Variants in KMT2A observed in about 807,000 individuals in gnomAD.
KMT2A encodes lysine methyltransferase 2A.
KMT2A carries 16 observed loss-of-function variants against 345.3 expected under a neutral mutation model. That is an observed-to-expected ratio of 0.05 (90% CI 0.03 to 0.07). KMT2A has a LOEUF of 0.07. KMT2A is among the 10% of genes least tolerant of loss of function. KMT2A has a pLI of 1.00. For missense variants in KMT2A, 3,272 were observed against 4,841.6 expected, an observed-to-expected ratio of 0.68 and a Z score of 9.62; for synonymous variants, 1,599 against 1,778.6, an observed-to-expected ratio of 0.90 and a Z score of 2.54.
chr11:118,448,499 A>T (rs1949467516), intron 1 of KMT2A: 1 of 152,210 alleles, frequency 6.6e-6, no homozygotes, highest in Non-Finnish European at 1.5e-5. Context: ...CTGTACAGTC[A>T]GAATGAAAAC....
chr11:118,494,245 C>T lies in KMT2A; in HGVS notation c.5179-43C>T. On this transcript the variant is annotated intron_variant, in intron 16 of 35. Transcript: ENST00000534358. The surrounding 1 kb of genome is among the most constrained non-coding windows in gnomAD (Gnocchi z 5.8). ...AGGGAAGAGGAAATGGTTTTCAGAG[C>T]ACACTGTTTTAAGAATAATTAACAT... The T allele has an allele frequency of 9.8e-7, 1 of 1,022,026 alleles. No homozygotes were observed. Among genetic ancestry groups the T allele is most frequent in the Non-Finnish European group, 1.5e-6 (1 of 645,932 alleles). 63.3% of individuals were successfully genotyped at this position (1,022,026 alleles called of 1,614,324 possible).
chr11:118,454,304 G>A (rs1320392006), intron 1 of KMT2A, among the ~76,000 whole-genome samples: 2 of 152,174 alleles, frequency 1.3e-5, no homozygotes, highest in Non-Finnish European at 2.9e-5. Flanking sequence ...CCTACTTCTC[G>A]AGCATTGTCT....
In KMT2A at chr11:118,520,132, C is replaced by T. The variant is rs940023746; in HGVS notation, c.11429+68C>T. On this transcript the variant is annotated intron_variant, in intron 33 of 35. Transcript: ENST00000534358. The surrounding 1 kb of genome is among the most constrained non-coding windows in gnomAD (Gnocchi z 4.3). ...TCTCCTCCAGCTGGTCAGGGCACTA[C>T]GTAGGAATTTGTTTGCATCAGAATT... 9.8e-6 allele frequency: 10 copies of T among 1,022,136 alleles called. No homozygotes were observed. Among genetic ancestry groups the T allele is most frequent in the Admixed American group, 4.7e-5 (2 of 42,580 alleles). The allele number at this position is 1,022,136 out of a possible 1,614,324, so 63.3% of individuals were successfully genotyped here.
Position 118,510,149 on chromosome 11 carries a change from G to A in KMT2A, c.11071+31G>A. ...TGGATTAAATCAGGTTGACCCATCA[G>A]CAGAAGCCCTGTTTCAGCTAGAGCT... On this transcript the variant is annotated intron_variant, in intron 30 of 35. Coordinates refer to ENST00000534358, the MANE Select transcript of KMT2A (RefSeq NM_001197104.2). The surrounding 1 kb of genome is among the most constrained non-coding windows in gnomAD (Gnocchi z 4.1). The A allele has an allele frequency of 2.6e-6, 4 of 1,547,034 alleles. No individual in the cohort carries two copies. The highest frequency in any genetic ancestry group is 3.5e-6 in the Non-Finnish European group (4 of 1,137,868).
Position 118,490,009 on chromosome 11 carries a change from C to A in KMT2A, c.4576-120C>A. ...GTATGACAATCTTTTTGCCTCATTA[C>A]TAGGAAATCATCTCAGCAGAGAAAT... On this transcript the variant is annotated intron_variant, in intron 12 of 35. Coordinates refer to ENST00000534358, the MANE Select transcript of KMT2A (RefSeq NM_001197104.2). This position sits in a 1 kb window ranked among gnomAD's most constrained non-coding sequence, Gnocchi z 4.2. 1 of 1,428,708 alleles carries A rather than the reference C, an allele frequency of 7.0e-7. No homozygotes were observed. The highest frequency in any genetic ancestry group is 1.2e-5 in the South Asian group (1 of 81,488). The allele number at this position is 1,428,708 out of a possible 1,614,324, so 88.5% of individuals were successfully genotyped here. A position where few individuals can be genotyped will look rare whatever the true frequency, so the allele number is the denominator to read the frequency against.
At chr11:118,441,308 T>C (rs1555140065) in intron 1 of KMT2A, among the ~76,000 whole-genome samples, 1 of 152,166 alleles carries the variant, frequency 6.6e-6, no homozygotes, top group African/African-American at 2.4e-5. Context: ...CATTTGCCTA[T>C]ATAACTGGCA....
chr11:118,507,772 T>C (rs1421589626), intron 28 of KMT2A, 163 bp downstream of exon 28: 6 of 581,722 alleles, frequency 1.0e-5, no homozygotes, highest in African/African-American at 1.9e-5. Flanking sequence ...CCATCCTGGC[T>C]AACATGGTGA....
intron 29 of KMT2A, 131 bp from the exon 30 acceptor site, chr11:118,509,815 CTA>C (rs1409083456): frequency 3.1e-6 from 2 of 652,046 alleles, no homozygotes; most frequent in African/African-American, 1.9e-5. Flanking sequence ...GGTTTGTTAT[CTA>C]TAAATGGGAA....
intron 1 of KMT2A, among the ~76,000 whole-genome samples, chr11:118,462,013 G>A (rs1422597932): frequency 2.0e-5 from 3 of 152,038 alleles, no homozygotes; most frequent in South Asian, 2.1e-4. Context: ...GTGCAGTGGC[G>A]TGAGCTTTTG....
chr11:118,454,418 G>A (rs1555030026), intron 1 of KMT2A, among the ~76,000 whole-genome samples: 1 of 152,120 alleles, frequency 6.6e-6, no homozygotes, highest in Admixed American at 6.5e-5. Context: ...TTGCTCTCAG[G>A]CTAGAACACT....
chr11:118,468,250 A>C (rs1949882528), intron 1 of KMT2A, among the ~76,000 whole-genome samples: 1 of 152,222 alleles, frequency 6.6e-6, no homozygotes, highest in South Asian at 2.1e-4. Context: ...TCAAATGTAC[A>C]GAAATCACAT....
At position 118,523,816 on chromosome 11, in the gene KMT2A, G is replaced by A. The variant is rs1330749715; in HGVS notation, c.*1644G>A. On this transcript the variant is annotated 3_prime_UTR_variant, in exon 36 of 36. Coordinates refer to ENST00000534358, the MANE Select transcript of KMT2A (RefSeq NM_001197104.2). ...TTAATGTGTAGCTTGTTTGTGCCCT[G>A]TTGACATAAATGTTTCCTGGGTTTG... The A allele has an allele frequency of 1.4e-5, 3 of 211,770 alleles. No individual in the cohort carries two copies. The highest frequency in any genetic ancestry group is 6.8e-5 in the African/African-American group (3 of 44,120). The allele number at this position is 211,770 out of a possible 1,614,324, so 13.1% of individuals were successfully genotyped here.
At chr11:118,519,491 A>C (rs1267493837) in intron 31 of KMT2A, 127 bp from the exon 32 acceptor site, 2 of 727,450 alleles carry the variant, frequency 2.7e-6, no homozygotes, top group Non-Finnish European at 4.7e-6. Context: ...ATTTCGAGCT[A>C]ATATGTACTA....
Position 118,472,553 on chromosome 11 carries a change from C to T in KMT2A, c.1394C>T (p.Ala465Val), listed in dbSNP as rs1555035947. Residue 465 changes from alanine (A) to valine (V), a missense_variant, in exon 3 of 36, where the codon GCT (alanine) becomes GTT (valine). This residue lies in a region of KMT2A where 180 missense variants were observed against 190.7 expected (regional missense o/e 0.94). Coordinates refer to ENST00000534358, the MANE Select transcript of KMT2A (RefSeq NM_001197104.2). ...GGATCTTCTGAAAAATCAAGTGCAGCTTCTCAGCACTCCTCTCAAATGTCT... is the reference window on the plus strand; with the variant it reads ...GGATCTTCTGAAAAATCAAGTGCAGTTTCTCAGCACTCCTCTCAAATGTCT... ...SCGSSEKSSAASQHSSQMSSD... is the reference protein window; with the variant it reads ...SCGSSEKSSAVSQHSSQMSSD... 6.2e-7 allele frequency: 1 copy of T among 1,612,592 alleles called. No individual in the cohort carries two copies. Among genetic ancestry groups the T allele is most frequent in the Non-Finnish European group, 8.5e-7 (1 of 1,179,798 alleles).
At chr11:118,447,288 T>C (rs1326166277) in intron 1 of KMT2A, among the ~76,000 whole-genome samples, 1 of 152,242 alleles carries the variant, frequency 6.6e-6, no homozygotes, top group Non-Finnish European at 1.5e-5. Flanking sequence ...AGTCATCATT[T>C]ATGTTTTATG....
At chr11:118,483,505 C>G (rs989836034) in intron 8 of KMT2A, among the ~76,000 whole-genome samples, 1 of 152,128 alleles carries the variant, frequency 6.6e-6, no homozygotes, top group Admixed American at 6.5e-5. Flanking sequence ...TGCACTCCAG[C>G]TTGGGTGACA....
In KMT2A at chr11:118,501,181, G is replaced by T. The variant is rs374437257; in HGVS notation, c.6319+34G>T. On this transcript the variant is annotated intron_variant, in intron 25 of 35. Coordinates refer to ENST00000534358, the MANE Select transcript of KMT2A (RefSeq NM_001197104.2). ...TGAATCAAGATGGGACTTGAGGCTGGGCACAGTGGCTCACGCCTGTAATCG... is the reference window on the plus strand; with the variant it reads ...TGAATCAAGATGGGACTTGAGGCTGTGCACAGTGGCTCACGCCTGTAATCG... 7 of 1,599,980 alleles carry T rather than the reference G, an allele frequency of 4.4e-6. No homozygotes were observed. The African/African-American group carries it at 8.0e-5, about 18-fold the overall frequency.
At chr11:118,469,026 A>G (rs1555034844) in intron 2 of KMT2A, among the ~76,000 whole-genome samples, 182 bp downstream of exon 2, 1 of 152,120 alleles carries the variant, frequency 6.6e-6, no homozygotes, top group Non-Finnish European at 1.5e-5. Context: ...GTTTTAGGGT[A>G]CATGTGCACA....
Position 118,503,126 on chromosome 11 carries a change from A to G in KMT2A, c.7234A>G (p.Asn2412Asp). ...AACCTTGAAGCTATCTGGAATGAGC[A>G]ACAGATCATCCATTATCAACGAACA... ...VKTLKLSGMSNRSSIINEHMG... is the reference protein window; with the variant it reads ...VKTLKLSGMSDRSSIINEHMG... Residue 2412 changes from asparagine (N) to aspartate (D), a missense_variant, in exon 27 of 36, where the codon AAC becomes GAC. This residue lies in a region of KMT2A where 445 missense variants were observed against 500.9 expected (regional missense o/e 0.89). Coordinates refer to ENST00000534358, the MANE Select transcript of KMT2A (RefSeq NM_001197104.2). The surrounding 1 kb of genome is among the most constrained non-coding windows in gnomAD (Gnocchi z 5.3). The G allele has an allele frequency of 6.2e-7, 1 of 1,613,742 alleles. No individual in the cohort carries two copies.
Sources: gnomAD v4.1 joint callset for allele counts (sites outside exome capture counted in the v4.1 genomes callset) on GRCh38, gnomAD v4.1.1 for gene constraint, gnomAD v4.1.1 regional missense constraint, Gnocchi (gnomAD v3.1) non-coding constraint, MANE v1.5 for transcripts, NCBI Gene and HGNC (gene_info 2026-07-23, HGNC 2026-07-21) for gene names.